Variants in CHD9 observed in about 807,000 individuals in gnomAD.
CHD9 encodes the protein chromodomain helicase DNA binding protein 9, also known as ATP-dependent chromatin remodeler CHD9.
A neutral mutation model predicts 316.1 loss-of-function variants in CHD9; 77 were observed. The ratio of observed to expected loss-of-function variants is 0.24; its 90% confidence interval spans 0.20 to 0.29. CHD9 has a LOEUF of 0.29. Ranked by LOEUF, CHD9 falls within the 10% of genes least tolerant of loss-of-function variation. The pLI, the probability that CHD9 is intolerant of heterozygous loss-of-function variation, is 1.00. For missense variants in CHD9, 2,763 were observed against 3,438.1 expected, an observed-to-expected ratio of 0.80 and a Z score of 4.91; for synonymous variants, 1,129 against 1,158.3, an observed-to-expected ratio of 0.97 and a Z score of 0.51.
At chr16:53,249,206 C>T (rs142348426) in intron 16 of CHD9, among the ~76,000 whole-genome samples, 240 of 152,180 alleles carry the variant, frequency 1.6e-3, no homozygotes, top group African/African-American at 5.4e-3. Flanking sequence ...GAGATAACCG[C>T]GGAGAGACTG....
At chr16:53,102,667 T>C (rs368535937) in intron 1 of CHD9, among the ~76,000 whole-genome samples, 3 of 151,770 alleles carry the variant, frequency 2.0e-5, no homozygotes, top group East Asian at 3.9e-4. Context: ...CTGGGTAACA[T>C]AGCAAGACTC....
At chr16:53,226,546 T>G in intron 5 of CHD9, 34 bp downstream of exon 5, 5 of 1,578,614 alleles carry the variant, frequency 3.2e-6, no homozygotes, top group Non-Finnish European at 4.3e-6. Context: ...TGCAAAACAT[T>G]TTAAACCGAC....
At chr16:53,212,183 C>T (rs923592639) in intron 3 of CHD9, among the ~76,000 whole-genome samples, 1 of 151,948 alleles carries the variant, frequency 6.6e-6, no homozygotes, top group East Asian at 1.9e-4. Context: ...GGGCGGATCA[C>T]GAGGTCAGGA....
At chr16:53,190,639 G>A (rs1009931207) in intron 2 of CHD9, among the ~76,000 whole-genome samples, 2 of 151,970 alleles carry the variant, frequency 1.3e-5, no homozygotes, top group African/African-American at 4.8e-5. Flanking sequence ...ACACTTTCAA[G>A]TCTTCCTTGC....
chr16:53,086,134 C>T (rs2035442371), intron 1 of CHD9, among the ~76,000 whole-genome samples: 2 of 151,966 alleles, frequency 1.3e-5, no homozygotes, highest in South Asian at 2.1e-4. Flanking sequence ...AGGGGACGTG[C>T]GGAAATTGTT....
intron 24 of CHD9, among the ~76,000 whole-genome samples, chr16:53,283,404 C>G (rs1429720025): frequency 6.7e-6 from 1 of 148,906 alleles, no homozygotes; most frequent in Admixed American, 6.6e-5. Context: ...TCAGCAACAC[C>G]TAATGTGCTT....
chr16:53,257,215 A>G (rs1409339841), intron 19 of CHD9, among the ~76,000 whole-genome samples: 1 of 152,212 alleles, frequency 6.6e-6, no homozygotes, highest in Non-Finnish European at 1.5e-5. Context: ...ATAGGCATGT[A>G]TGGATACAGG....
intron 2 of CHD9, among the ~76,000 whole-genome samples, chr16:53,167,909 A>C (rs1430916208): frequency 2.6e-5 from 4 of 152,074 alleles, no homozygotes; most frequent in African/African-American, 9.7e-5. Context: ...ATATTCTTAG[A>C]AGATTGTATT....
At chr16:53,306,451 T>C in intron 32 of CHD9, 54 bp downstream of exon 32, 1 of 1,380,462 alleles carries the variant, frequency 7.2e-7, no homozygotes, top group Non-Finnish European at 9.7e-7. Flanking sequence ...TTTTCTATAT[T>C]GCTTCAATGG....
chr16:53,274,902 C>T (rs72799631), intron 24 of CHD9, among the ~76,000 whole-genome samples: 9,764 of 152,260 alleles, frequency 0.064, 452 homozygotes, highest in Non-Finnish European at 0.094. Flanking sequence ...TTTGTTACTT[C>T]TCTTTTATTG....
At chr16:53,185,611 T>G (rs551186730) in intron 2 of CHD9, among the ~76,000 whole-genome samples, 2 of 152,330 alleles carry the variant, frequency 1.3e-5, no homozygotes, top group African/African-American at 2.4e-5. Flanking sequence ...ATGGGGCAAG[T>G]GTCTCCAAGG....
intron 1 of CHD9, among the ~76,000 whole-genome samples, chr16:53,122,844 C>A (rs866156955): frequency 1.4e-4 from 21 of 151,604 alleles, no homozygotes; most frequent in Non-Finnish European, 2.8e-4. Flanking sequence ...GTAGCTGGGA[C>A]TATAGGCGCC....
chr16:53,264,390 T>C (rs1019426999), intron 20 of CHD9, among the ~76,000 whole-genome samples: 7 of 152,068 alleles, frequency 4.6e-5, no homozygotes, highest in African/African-American at 9.7e-5. Flanking sequence ...ATTTTCTATA[T>C]GGGAGCAATG....
At position 53,304,513 on chromosome 16, in the gene CHD9, A is replaced by T. The variant is rs975366120; in HGVS notation, c.6507A>T (p.Ser2169=). Residue 2169 remains serine (S), a synonymous_variant, in exon 31 of 39, where the codon TCA becomes TCT. Coordinates refer to ENST00000447540, the MANE Select transcript of CHD9 (RefSeq NM_001308319.2). ...CAGGCTCTAGTTCTTCTTCATCTTC[A>T]TCTTGTTCTTCAGCATCTTCTTCAT... ...SRSGSSSSSS[S]SCSSASSSSS... 2 of 1,550,792 alleles carry T rather than the reference A, an allele frequency of 1.3e-6. No homozygotes were observed. The highest frequency in any genetic ancestry group is 1.2e-5 in the South Asian group (1 of 84,026).
intron 2 of CHD9, among the ~76,000 whole-genome samples, chr16:53,186,857 T>C (rs1192070490): frequency 6.6e-6 from 1 of 152,198 alleles, no homozygotes; most frequent in Non-Finnish European, 1.5e-5. Context: ...TCTTTCCCCT[T>C]CCACCATGAT....
chr16:53,288,752 T>G (rs75101974), intron 27 of CHD9, among the ~76,000 whole-genome samples: 415 of 152,218 alleles, frequency 2.7e-3, no homozygotes, highest in African/African-American at 9.4e-3. Context: ...AGCAAGGAAA[T>G]TTATCTCATC....
intron 2 of CHD9, among the ~76,000 whole-genome samples, chr16:53,173,232 G>T (rs532828320): frequency 6.6e-6 from 1 of 151,164 alleles, no homozygotes; most frequent in East Asian, 2.0e-4. Flanking sequence ...GGTCTCCTTA[G>T]GTTATCTGTG....
At position 53,235,286 on chromosome 16, in the gene CHD9, C is replaced by G. The variant is rs1327500341; in HGVS notation, c.2613C>G (p.Leu871=). ...REYQLEGLNW[L]LFNWYNRRNC... ...ATCAACTGGAAGGACTCAACTGGCT[C>G]TTGTTCAATTGGTACAATAGGTATG... The change falls in exon 11 of 39, where the codon CTC becomes CTG. Residue 871 remains leucine (L), a synonymous_variant. Transcript: ENST00000447540. The G allele has an allele frequency of 6.5e-7, 1 of 1,547,820 alleles. No individual in the cohort carries two copies. The highest frequency in any genetic ancestry group is 8.7e-7 in the Non-Finnish European group (1 of 1,143,818).
At position 53,288,709 on chromosome 16, in the gene CHD9, G is replaced by T. The variant is rs534822420; in HGVS notation, c.5247+695G>T. Among the ~76,000 whole-genome samples the T allele has an allele frequency of 1.3e-3, 202 of 152,250 alleles. 1 individual carries two copies. The highest frequency in any genetic ancestry group is 4.5e-3 in the African/African-American group (185 of 41,536). Reference sequence around the variant, plus strand: ...CTATATGAGGTCAAGAGTCTCAAAGGCCAGTAATTACTGACAAACAGCACG... The same window carrying T: ...CTATATGAGGTCAAGAGTCTCAAAGTCCAGTAATTACTGACAAACAGCACG... On this transcript the variant is annotated intron_variant, in intron 27 of 38. Transcript: ENST00000447540.
Sources: allele counts gnomAD v4.1 joint callset (sites outside exome capture counted in the v4.1 genomes callset), GRCh38; gene constraint gnomAD v4.1.1; transcripts MANE v1.5; gene names NCBI Gene and HGNC (gene_info 2026-07-23, HGNC 2026-07-21).